Variants in CFAP46 observed in about 807,000 individuals in gnomAD.
CFAP46 encodes the protein cilia and flagella associated protein 46.
A neutral mutation model predicts 325.7 loss-of-function variants in CFAP46; 245 were observed. The ratio of observed to expected loss-of-function variants is 0.75; its 90% CI spans 0.68 to 0.84. The LOEUF (loss-of-function observed/expected upper bound fraction) is 0.84, where lower values mean the gene tolerates loss of function less well. CFAP46 is among the 40% of genes least tolerant of loss of function. The probability of loss-of-function intolerance (pLI) is 0.00; values close to 1 mark genes in which losing one functional copy is unlikely to be tolerated. For synonymous variants in CFAP46, 1,523 were observed against 1,495.9 expected (o/e 1.02, Z -0.42); for missense variants, 3,346 against 3,543.0 (o/e 0.94, Z 1.41).
chr10:132,823,092 CTTTGT>C, intron 50 of CFAP46, among the ~76,000 whole-genome samples: 1 of 108,242 alleles, frequency 9.2e-6, no homozygotes, highest in African/African-American at 3.7e-5. Flanking sequence ...CTGATGTGTG[CTTTGT>C]ATGTGCTGAT....
At chr10:132,867,607 C>A (rs372075850) in intron 33 of CFAP46, 100 bp from the exon 34 acceptor site, 2 of 1,405,726 alleles carry the variant, frequency 1.4e-6, no homozygotes, top group Admixed American at 4.9e-5. Context: ...GCCACAATTA[C>A]ATTCTTCACG....
At chr10:132,824,937 CTGTGTGTGT>C (rs1848009579) in intron 50 of CFAP46, among the ~76,000 whole-genome samples, 1 of 124,636 alleles carries the variant, frequency 8.0e-6, no homozygotes, top group Non-Finnish European at 1.6e-5. Flanking sequence ...CTTGTGTGTG[CTGTGTGTGT>C]GCTGATGTGT....
At chr10:132,821,867 T>TGCTGTGTGC (rs1847844689) in intron 50 of CFAP46, among the ~76,000 whole-genome samples, 2 of 144,478 alleles carry the variant, frequency 1.4e-5, no homozygotes, top group Non-Finnish European at 3.0e-5. Flanking sequence ...GTGCTGTGTG[T>TGCTGTGTGC]GCTGTGTGCT....
At chr10:132,881,479 C>T (rs539027055) in intron 27 of CFAP46, among the ~76,000 whole-genome samples, 1 of 152,350 alleles carries the variant, frequency 6.6e-6, no homozygotes, top group East Asian at 1.9e-4. Flanking sequence ...CCCTGTCCTG[C>T]GTCCAGATGC....
chr10:132,887,199 C>CT (rs1849150929), intron 25 of CFAP46, among the ~76,000 whole-genome samples: 1 of 85,540 alleles, frequency 1.2e-5, no homozygotes, highest in African/African-American at 7.2e-5. Flanking sequence ...TCTCCTCTCT[C>CT]CTCTTCTTTC....
chr10:132,899,372 C>T (rs986177808), intron 23 of CFAP46, among the ~76,000 whole-genome samples, 163 bp downstream of exon 23: 5 of 152,334 alleles, frequency 3.3e-5, no homozygotes, highest in South Asian at 4.1e-4. Flanking sequence ...GGCCGCTGCA[C>T]CTCCCTGAAG....
chr10:132,912,427 A>G (rs1436966706), intron 19 of CFAP46, among the ~76,000 whole-genome samples: 1 of 30,230 alleles, frequency 3.3e-5, no homozygotes. Context: ...TCTCTCTCTC[A>G]CCTCCCTCTC....
At position 132,869,151 on chromosome 10, in the gene CFAP46, G is replaced by A. The variant is rs1848860009; in HGVS notation, c.4610+123C>T. On this transcript the variant is annotated intron_variant, in intron 33 of 57. Coordinates refer to ENST00000368586, the MANE Select transcript of CFAP46 (RefSeq NM_001200049.3). The surrounding 1 kb of genome is among the most constrained non-coding windows in gnomAD (Gnocchi z 6.2). ...AACCGGCCACAGCCGTGTCCCCCAA[G>A]TGCTCACTCTCCCCAGAGGGGCAGG... 2 of 708,666 alleles carry A rather than the reference G, an allele frequency of 2.8e-6. No individual in the cohort carries two copies. The highest frequency in any genetic ancestry group is 6.6e-5 in the Admixed American group (2 of 30,248). 43.9% of individuals were successfully genotyped at this position (708,666 alleles called of 1,614,324 possible).
chr10:132,942,319 C>A, intron 1 of CFAP46, 117 bp downstream of exon 1: 1 of 809,402 alleles, frequency 1.2e-6, no homozygotes, highest in Non-Finnish European at 1.6e-6. Flanking sequence ...CTGTGGCCCT[C>A]GAGGGATCAC....
At position 132,851,294 on chromosome 10, in the gene CFAP46, G is replaced by A. The variant is rs571760210; in HGVS notation, c.5586C>T (p.Val1862=). ...CCAGCTTCCTCATCAGGGGCGTGTT[G>A]ACGTTCTGCAACTGAGGGGGTCAGG... ...GLLSLQDLQN[V]NTPLMRKLAR... Residue 1862 remains valine, a synonymous_variant, in exon 40 of 58, where the codon GTC becomes GTT. Transcript: ENST00000368586. 2.5e-6 allele frequency: 4 copies of A among 1,613,642 alleles called. No homozygotes were observed. Among genetic ancestry groups the A allele is most frequent in the South Asian group, 2.2e-5 (2 of 91,052 alleles).
Position 132,808,649 on chromosome 10 carries a change from G to A in CFAP46, c.7920C>T (p.Ser2640=), listed in dbSNP as rs1189671892. The change falls in exon 58 of 58, where the codon TCC becomes TCT. Residue 2640 remains serine, a synonymous_variant. Coordinates refer to ENST00000368586, the MANE Select transcript of CFAP46 (RefSeq NM_001200049.3). The surrounding 1 kb of genome is among the most constrained non-coding windows in gnomAD (Gnocchi z 6.8). The stretch of plus-strand genomic sequence containing the variant: ...TGGCTGAGGCTGCACCAAGGGCTGG[G>A]GAGAGGCCCAGGAAGGGGAGAGCGA... ...SQLALPFLGL[S]PALGAASARD... 15 of 1,600,214 alleles carry A rather than the reference G, an allele frequency of 9.4e-6. No individual in the cohort carries two copies. The Admixed American group carries it at 2.4e-4, about 26-fold the overall frequency.
intron 4 of CFAP46, among the ~76,000 whole-genome samples, chr10:132,940,445 G>A (rs1275512524): frequency 1.3e-5 from 2 of 152,178 alleles, no homozygotes; most frequent in Non-Finnish European, 2.9e-5. Context: ...TGCTGGAGTC[G>A]CCTCCGCAGG....
At chr10:132,849,626 G>A (rs1387773497) in intron 41 of CFAP46, among the ~76,000 whole-genome samples, 2 of 152,270 alleles carry the variant, frequency 1.3e-5, no homozygotes, top group South Asian at 2.1e-4. Flanking sequence ...ACTCAGCCCA[G>A]CTGGGCAGCC....
Position 132,847,434 on chromosome 10 carries a change from T to G in CFAP46, c.5953-113A>C. On this transcript the variant is annotated intron_variant, in intron 41 of 57. Coordinates refer to ENST00000368586, the MANE Select transcript of CFAP46 (RefSeq NM_001200049.3). This position sits in a 1 kb window ranked among gnomAD's most constrained non-coding sequence, Gnocchi z 5.2. ...CGGGCTCCTCAGCAGGGTCCCCGGG[T>G]AGGGGGTACCGCAGGCCACAGCATG... 7.6e-7 allele frequency: 1 copy of G among 1,309,316 alleles called. No homozygotes were observed. The highest frequency in any genetic ancestry group is 1.1e-6 in the Non-Finnish European group (1 of 932,738). The allele number at this position is 1,309,316 out of a possible 1,614,324, so 81.1% of individuals were successfully genotyped here. A position where few individuals can be genotyped will look rare whatever the true frequency, so the allele number is the denominator to read the frequency against.
chr10:132,890,165 C>T (rs114310569), intron 25 of CFAP46, among the ~76,000 whole-genome samples: 2,237 of 152,254 alleles, frequency 0.015, 52 homozygotes, highest in African/African-American at 0.051. Flanking sequence ...CCTCCACAGC[C>T]TCCTCTGCCC....
At chr10:132,935,845 T>C (rs1230731038) in intron 7 of CFAP46, among the ~76,000 whole-genome samples, 1 of 110,786 alleles carries the variant, frequency 9.0e-6, no homozygotes, top group Non-Finnish European at 1.9e-5. Context: ...CCAAACACAC[T>C]GTGATCTCCT....
chr10:132,822,784 G>GTGTGTGCTGTGTGTGCTGTGA, intron 50 of CFAP46, among the ~76,000 whole-genome samples: 1 of 99,836 alleles, frequency 1.0e-5, no homozygotes, highest in Admixed American at 1.2e-4. Context: ...GTGTGCACTT[G>GTGTGTGCTGTGTGTGCTGTGA]TGTGTGCTGT....
Position 132,912,824 on chromosome 10 carries a change from G to A in CFAP46, c.2334-4C>T. The A allele has an allele frequency of 6.5e-7, 1 of 1,548,110 alleles. No individual in the cohort carries two copies. Among genetic ancestry groups the A allele is most frequent in the South Asian group, 1.2e-5 (1 of 84,020 alleles). ...CGTCACCAGCATCACGGGGTCCCTG[G>A]GAGACATGCTTGTCAGAGGGAACCT... On this transcript the variant is annotated splice_region_variant and splice_polypyrimidine_tract_variant and intron_variant, in intron 18 of 57. Coordinates refer to ENST00000368586, the MANE Select transcript of CFAP46 (RefSeq NM_001200049.3).
chr10:132,894,725 A>C (rs1408901813), intron 24 of CFAP46, among the ~76,000 whole-genome samples: 3 of 152,208 alleles, frequency 2.0e-5, no homozygotes, highest in African/African-American at 7.2e-5. Context: ...ATCTAGAAAA[A>C]ATGAACAAAT....
Sources: allele counts gnomAD v4.1 joint callset (sites outside exome capture counted in the v4.1 genomes callset), GRCh38; gene constraint gnomAD v4.1.1; non-coding constraint Gnocchi (gnomAD v3.1); transcripts MANE v1.5; gene names NCBI Gene and HGNC (gene_info 2026-07-23, HGNC 2026-07-21).